Variants in GNPTAB observed in about 807,000 individuals in gnomAD.
GNPTAB encodes the protein N-acetylglucosamine-1-phosphate transferase subunits alpha and beta, also known as N-acetylglucosamine-1-phosphotransferase subunits alpha/beta.
In GNPTAB, 92 loss-of-function variants were observed where a neutral mutation model predicts 136.6. The observed-to-expected ratio is 0.67, with a 90% CI of 0.57 to 0.80. The LOEUF (loss-of-function observed/expected upper bound fraction) is 0.80. Ranked by LOEUF, GNPTAB falls within the 30% of genes least tolerant of loss-of-function variation. GNPTAB has a pLI of 0.00. For missense variants in GNPTAB, 1,343 were observed against 1,501.8 expected (o/e 0.89, Z 1.75); for synonymous variants, 512 against 535.1 (o/e 0.96, Z 0.60).
At chr12:101,751,310 TC>T (rs1952815558) in intron 19 of GNPTAB, among the ~76,000 whole-genome samples, 1 of 152,192 alleles carries the variant, frequency 6.6e-6, no homozygotes, top group African/African-American at 2.4e-5. Context: ...AGCTGGTCCT[TC>T]CTACGTACAC....
intron 7 of GNPTAB, among the ~76,000 whole-genome samples, chr12:101,777,360 T>C (rs985244327): frequency 1.3e-5 from 2 of 152,196 alleles, no homozygotes; most frequent in East Asian, 3.9e-4. Context: ...TCTAGTATTC[T>C]TAACAGAGAC....
At chr12:101,825,988 G>A (rs4764823) in intron 1 of GNPTAB, among the ~76,000 whole-genome samples, 42,853 of 152,012 alleles carry the variant, frequency 0.28, 6,579 homozygotes, top group East Asian at 0.61. Flanking sequence ...TAACTCATCT[G>A]TTTGTTGCCT....
intron 10 of GNPTAB, among the ~76,000 whole-genome samples, chr12:101,768,740 ACAC>A (rs1953130138): frequency 6.7e-6 from 1 of 150,066 alleles, no homozygotes; most frequent in African/African-American, 2.4e-5. Context: ...GAAAAAAAAT[ACAC>A]TCCTCTTTAA....
chr12:101,811,632 T>C (rs367809565), intron 1 of GNPTAB, among the ~76,000 whole-genome samples: 40 of 150,362 alleles, frequency 2.7e-4, no homozygotes, highest in East Asian at 2.4e-3. Flanking sequence ...AGGAGGGTGC[T>C]ACACACTTTT....
At chr12:101,797,948 G>A (rs917675677) in intron 1 of GNPTAB, among the ~76,000 whole-genome samples, 2 of 151,896 alleles carry the variant, frequency 1.3e-5, no homozygotes, top group South Asian at 4.2e-4. Context: ...TATTCCCATT[G>A]GCACGCAAAC....
chr12:101,830,477 T>TA, intron 1 of GNPTAB, 82 bp downstream of exon 1: 1 of 769,012 alleles, frequency 1.3e-6, no homozygotes, highest in Non-Finnish European at 2.3e-6. Context: ...AAAAAATACA[T>TA]ACTGTATCGG....
intron 1 of GNPTAB, among the ~76,000 whole-genome samples, chr12:101,805,096 T>C (rs2137168722): frequency 6.6e-6 from 1 of 152,030 alleles, no homozygotes; most frequent in Non-Finnish European, 1.5e-5. Context: ...ATTACCAACA[T>C]ATGAACAAAA....
rs1349192107 is a variant in GNPTAB, at chr12:101,824,443, T to C, written c.117+6116A>G. Reference sequence around the variant, plus strand: ...ATATATATATATATATTTTCTTTTTTTTTTTTTTTTTTTTGGTTAACCTTT... The same window carrying C: ...ATATATATATATATATTTTCTTTTTCTTTTTTTTTTTTTTGGTTAACCTTT... On this transcript the variant is annotated intron_variant, in intron 1 of 20. Transcript: ENST00000299314. Among the ~76,000 whole-genome samples, 20 of 134,024 alleles carry C rather than the reference T, an allele frequency of 1.5e-4. 1 individual carries two copies. The highest frequency in any genetic ancestry group is 2.8e-4 in the African/African-American group (10 of 35,180). 87.9% of individuals were successfully genotyped at this position (134,024 alleles called of 152,430 possible). A position where few individuals can be genotyped will look rare whatever the true frequency, so the allele number is the denominator to read the frequency against.
intron 6 of GNPTAB, 128 bp from the exon 7 acceptor site, chr12:101,780,414 T>C: frequency 8.7e-7 from 1 of 1,150,096 alleles, no homozygotes. Context: ...TTAGGATTAC[T>C]TGAATCAACA....
intron 7 of GNPTAB, chr12:101,773,774 C>T (rs1181616633): frequency 6.6e-6 from 1 of 152,104 alleles, no homozygotes; most frequent in Non-Finnish European, 1.5e-5. Flanking sequence ...GGTGGCACCC[C>T]AATCCTGGAC....
At position 101,761,178 on chromosome 12, in the gene GNPTAB, T is replaced by A. The variant is rs1952986372; in HGVS notation, c.3084A>T (p.Arg1028Ser). 6.2e-7 allele frequency: 1 copy of A among 1,614,040 alleles called. No homozygotes were observed. The highest frequency in any genetic ancestry group is 8.5e-7 in the Non-Finnish European group (1 of 1,179,992). Reference protein sequence around the residue: ...DTDQSGVLSDREIRTLATRIH... With the variant: ...DTDQSGVLSDSEIRTLATRIH... ...TTCTGGTAGCCAGTGTTCGGATTTC[T>A]CTGTCAGACAAGACACCAGATTGAT... Residue 1028 changes from arginine (R) to serine (S), a missense_variant, in exon 15 of 21, where the codon AGA (arginine) becomes AGT (serine). Coordinates refer to ENST00000299314, the MANE Select transcript of GNPTAB (RefSeq NM_024312.5).
intron 1 of GNPTAB, among the ~76,000 whole-genome samples, chr12:101,819,227 G>A (rs966096054): frequency 6.6e-6 from 1 of 152,040 alleles, no homozygotes; most frequent in Non-Finnish European, 1.5e-5. Context: ...CGCCAGGCTC[G>A]TCTTGAACTC....
chr12:101,813,000 TG>T (rs1870320913), intron 1 of GNPTAB, among the ~76,000 whole-genome samples: 1 of 150,758 alleles, frequency 6.6e-6, no homozygotes, highest in Non-Finnish European at 1.5e-5. Context: ...TTTTTTTTTT[TG>T]GTTTCTTTTT....
At position 101,791,654 on chromosome 12, in the gene GNPTAB, T is replaced by C. The variant is rs115376925; in HGVS notation, c.204-1597A>G. ...AAGAAACTGTATGGGTTTTGCAGTT[T>C]TATTTTTAGGCCAAGGACCAAAGCA... On this transcript the variant is annotated intron_variant, in intron 2 of 20. Coordinates refer to ENST00000299314, the MANE Select transcript of GNPTAB (RefSeq NM_024312.5). 4.7e-3 allele frequency among the ~76,000 whole-genome samples: 715 copies of C among 152,324 alleles called. 6 individuals carry two copies. The highest frequency in any genetic ancestry group is 0.016 in the African/African-American group (675 of 41,562).
At chr12:101,748,430 C>G (rs914107264) in intron 20 of GNPTAB, among the ~76,000 whole-genome samples, 4 of 152,224 alleles carry the variant, frequency 2.6e-5, no homozygotes, top group African/African-American at 9.6e-5. Context: ...GATGCCCATT[C>G]CCCTCCTTCA....
chr12:101,771,397 T>A (rs1953173691), intron 7 of GNPTAB, among the ~76,000 whole-genome samples: 1 of 152,014 alleles, frequency 6.6e-6, no homozygotes, highest in Non-Finnish European at 1.5e-5. Context: ...GACTGCATCA[T>A]CACGCCCGGC....
In GNPTAB at chr12:101,746,131, G is replaced by A. The variant is rs868403966; in HGVS notation, c.*1033C>T. The A allele has an allele frequency of 6.6e-6, 1 of 152,124 alleles. No individual in the cohort carries two copies. The highest frequency in any genetic ancestry group is 1.5e-5 in the Non-Finnish European group (1 of 68,018). 9.4% of individuals were successfully genotyped at this position (152,124 alleles called of 1,614,324 possible). A position where few individuals can be genotyped will look rare whatever the true frequency, so the allele number is the denominator to read the frequency against. On this transcript the variant is annotated 3_prime_UTR_variant, in exon 21 of 21. Coordinates refer to ENST00000299314, the MANE Select transcript of GNPTAB (RefSeq NM_024312.5). ...GCTGGTGGGCAGTTTTTGTACAGCT[G>A]CAAGCTAAACATGGTTTTTACATTT...
At chr12:101,799,861 G>A (rs373601030) in intron 1 of GNPTAB, among the ~76,000 whole-genome samples, 1 of 151,956 alleles carries the variant, frequency 6.6e-6, no homozygotes, top group East Asian at 1.9e-4. Context: ...CTAGATTTGG[G>A]GTGGGGGTGG....
Position 101,761,670 on chromosome 12 carries a change from A to G in GNPTAB, c.2809T>C (p.Tyr937His). The G allele has an allele frequency of 6.2e-7, 1 of 1,613,862 alleles. No individual in the cohort carries two copies. The highest frequency in any genetic ancestry group is 8.5e-7 in the Non-Finnish European group (1 of 1,179,736). The change falls in exon 14 of 21, where the codon TAT becomes CAT. Residue 937 changes from tyrosine to histidine, a missense_variant. Physicochemically the swap from Tyr to His is moderately conservative, Grantham distance 83. Transcript: ENST00000299314. ...TTGCTATTTAGAATTTTATTTACATATCTGAGGGAATCTGCAAATGTATCT... is the reference window on the plus strand; with the variant it reads ...TTGCTATTTAGAATTTTATTTACATGTCTGAGGGAATCTGCAAATGTATCT... ...LKDTFADSLR[Y>H]VNKILNSKFG... is the part of the protein sequence containing the mutation.
Sources: gnomAD v4.1 joint callset for allele counts (sites outside exome capture counted in the v4.1 genomes callset) on GRCh38, gnomAD v4.1.1 for gene constraint, MANE v1.5 for transcripts, NCBI Gene and HGNC (gene_info 2026-07-23, HGNC 2026-07-21) for gene names.